The following WDTC1 variants were observed in gnomAD, a reference collection of about 807,000 sequenced individuals.
The protein encoded by WDTC1 is WD and tetratricopeptide repeats 1.
In WDTC1, 12 loss-of-function variants were observed where a neutral mutation model predicts 76.0. The ratio of observed to expected loss-of-function variants is 0.16; its 90% CI spans 0.10 to 0.26. WDTC1 has a LOEUF of 0.26. Among genes scored for constraint, WDTC1 ranks in the 10% least tolerant of loss-of-function variants. The pLI, the probability that WDTC1 is intolerant of heterozygous loss-of-function variation, is 1.00. For missense variants in WDTC1, 511 were observed against 908.8 expected (o/e 0.56, Z 5.63); for synonymous variants, 326 against 350.8 (o/e 0.93, Z 0.79).
chr1:27,239,272 C>G (rs1443345592), intron 1 of WDTC1, among the ~76,000 whole-genome samples: 2 of 148,208 alleles, frequency 1.3e-5, no homozygotes, highest in East Asian at 4.2e-4. Flanking sequence ...AATCCCAGCA[C>G]TTTGGGAGGC....
At chr1:27,252,086 C>A (rs1043688918) in intron 1 of WDTC1, among the ~76,000 whole-genome samples, 2 of 151,772 alleles carry the variant, frequency 1.3e-5, no homozygotes, top group African/African-American at 2.4e-5. Context: ...TGGCTCATGC[C>A]TGTAATCCTA....
In WDTC1 at chr1:27,235,435, T is replaced by C. The variant is rs554854627; in HGVS notation, c.-100+484T>C. 2.0e-3 allele frequency among the ~76,000 whole-genome samples: 268 copies of C among 134,988 alleles called. 1 individual carries two copies. The highest frequency in any genetic ancestry group is 7.0e-3 in the African/African-American group (256 of 36,522). 88.6% of individuals were successfully genotyped at this position (134,988 alleles called of 152,430 possible). ...GTGTGTGTGTGTGTGTGTGTGTGTG[T>C]GTCCACAGCAGATGCCTTCAGTGGC... On this transcript the variant is annotated intron_variant, in intron 1 of 15. Coordinates refer to ENST00000319394, the MANE Select transcript of WDTC1 (RefSeq NM_001276252.2).
rs2013939986 is a variant in WDTC1 at position 27,305,756 on chromosome 1, G to A, written c.1837-430G>A. On this transcript the variant is annotated intron_variant, in intron 15 of 15. Transcript: ENST00000319394. This position sits in a 1 kb window ranked among gnomAD's most constrained non-coding sequence, Gnocchi z 4.6. ...TCTGATTCCCAAGATAATTTGCTGT[G>A]ACTTTTAAAGAGAGGACCCCTATAG... Among the ~76,000 whole-genome samples the A allele has an allele frequency of 6.6e-6, 1 of 152,118 alleles. No homozygotes were observed. Among genetic ancestry groups the A allele is most frequent in the Non-Finnish European group, 1.5e-5 (1 of 68,008 alleles).
intron 2 of WDTC1, among the ~76,000 whole-genome samples, chr1:27,261,407 T>A (rs1390062994): frequency 1.3e-5 from 2 of 152,142 alleles, no homozygotes; most frequent in Admixed American, 6.6e-5. Context: ...GTTGGGCAGG[T>A]GGTGCACAAG....
Position 27,297,923 on chromosome 1 carries a change from C to G in WDTC1, c.1059-15C>G, listed in dbSNP as rs541019174. Reference sequence around the variant, plus strand: ...CTTCTTTGACTGTTCTGACTTGGCTCTATTTCCCCTGCAGCCCCCAAGTAG... The same window carrying G: ...CTTCTTTGACTGTTCTGACTTGGCTGTATTTCCCCTGCAGCCCCCAAGTAG... On this transcript the variant is annotated splice_polypyrimidine_tract_variant and intron_variant, in intron 11 of 15. Coordinates refer to ENST00000319394, the MANE Select transcript of WDTC1 (RefSeq NM_001276252.2). The G allele has an allele frequency of 3.6e-5, 57 of 1,602,628 alleles. No individual in the cohort carries two copies. Among genetic ancestry groups the G allele is most frequent in the South Asian group, 2.4e-4 (22 of 90,024 alleles).
chr1:27,293,320 T>C (rs1228829780), intron 7 of WDTC1, among the ~76,000 whole-genome samples: 2 of 150,106 alleles, frequency 1.3e-5, no homozygotes, highest in Non-Finnish European at 3.0e-5. Flanking sequence ...TAGTCCCAGC[T>C]ACTGGGGAGG....
Position 27,305,091 on chromosome 1 carries a change from G to A in WDTC1, c.1734G>A (p.Gly578=), listed in dbSNP as rs2013921890. 5 of 1,613,876 alleles carry A rather than the reference G, an allele frequency of 3.1e-6. No individual in the cohort carries two copies. In the South Asian group the frequency reaches 5.5e-5, roughly 18 times the overall value. ...ETTNLVRVLQ[G]DESIVNCLQP... is the part of the protein sequence containing the mutation. ...CCAACCTGGTCCGTGTGCTCCAAGGGGATGAGTCCATTGTCAACTGCCTGC... is the reference window on the plus strand; with the variant it reads ...CCAACCTGGTCCGTGTGCTCCAAGGAGATGAGTCCATTGTCAACTGCCTGC... The change falls in exon 15 of 16, where the codon GGG becomes GGA. Residue 578 remains glycine, a synonymous_variant. Transcript: ENST00000319394. The surrounding 1 kb of genome is among the most constrained non-coding windows in gnomAD (Gnocchi z 4.6).
rs569841544 is a variant in WDTC1 at position 27,242,720 on chromosome 1, C to T, written c.-100+7769C>T. Among the ~76,000 whole-genome samples the T allele has an allele frequency of 4.6e-5, 7 of 152,116 alleles. No individual in the cohort carries two copies. In the South Asian group the frequency reaches 6.2e-4, roughly 14 times the overall value. ...CTGACCTCAGGTGATTCACCCACCT[C>T]GGCCTCCCAAAGTGCTGGGATTACA... On this transcript the variant is annotated intron_variant, in intron 1 of 15. Coordinates refer to ENST00000319394, the MANE Select transcript of WDTC1 (RefSeq NM_001276252.2).
At chr1:27,244,919 G>A (rs1273190035) in intron 1 of WDTC1, among the ~76,000 whole-genome samples, 1 of 152,160 alleles carries the variant, frequency 6.6e-6, no homozygotes, top group African/African-American at 2.4e-5. Flanking sequence ...CTAACCAGTA[G>A]TGTCTACTTA....
chr1:27,263,205 C>T lies in WDTC1; in HGVS notation c.102C>T (p.Ile34=). Residue 34 remains isoleucine, a synonymous_variant, in exon 3 of 16, where the codon ATC becomes ATT. Coordinates refer to ENST00000319394, the MANE Select transcript of WDTC1 (RefSeq NM_001276252.2). ...GCTACCATGTCACTGACCCCTTTAT[C>T]CGGCGGCTGGGCCTGGAAGCAGAGC... ...ERRYHVTDPF[I]RRLGLEAELQ... is the part of the protein sequence containing the mutation. 6.2e-7 allele frequency: 1 copy of T among 1,613,608 alleles called. No homozygotes were observed. The highest frequency in any genetic ancestry group is 8.5e-7 in the Non-Finnish European group (1 of 1,179,860).
Position 27,306,108 on chromosome 1 carries a change from C to A in WDTC1, c.1837-78C>A. On this transcript the variant is annotated intron_variant, in intron 15 of 15. Transcript: ENST00000319394. The surrounding 1 kb of genome is among the most constrained non-coding windows in gnomAD (Gnocchi z 5.0). ...TAGATAGTTTAGTCTGTGTATTTCC[C>A]TCCCCCTCCCCTATACGTGTACCCT... The A allele has an allele frequency of 6.6e-7, 1 of 1,524,348 alleles. No individual in the cohort carries two copies. The highest frequency in any genetic ancestry group is 9.0e-7 in the Non-Finnish European group (1 of 1,106,678). 94.4% of individuals were successfully genotyped at this position (1,524,348 alleles called of 1,614,324 possible). A position where few individuals can be genotyped will look rare whatever the true frequency, so the allele number is the denominator to read the frequency against.
Position 27,306,333 on chromosome 1 carries a change from T to C in WDTC1, c.1984T>C (p.Ser662Pro). ...CCTGAGCAGTGGGGGTGCCGGGGCC[T>C]CTGATGATGAGGACAGCTCTGAGGG... Reference protein sequence around the residue: ...TGLSSGGAGASDDEDSSEGQV... With the variant: ...TGLSSGGAGAPDDEDSSEGQV... The change falls in exon 16 of 16, where the codon TCT (serine) becomes CCT (proline). Residue 662 changes from serine to proline, a missense_variant. Coordinates refer to ENST00000319394, the MANE Select transcript of WDTC1 (RefSeq NM_001276252.2). The surrounding 1 kb of genome is among the most constrained non-coding windows in gnomAD (Gnocchi z 5.0). 6.2e-7 allele frequency: 1 copy of C among 1,613,832 alleles called. No individual in the cohort carries two copies. Among genetic ancestry groups the C allele is most frequent in the Non-Finnish European group, 8.5e-7 (1 of 1,179,982 alleles).
In WDTC1 at chr1:27,234,971, C is replaced by G. The variant is rs1419594689; in HGVS notation, c.-100+20C>G. ...TGACAGGTACGGGTCACCGCCGCCC[C>G]CTGCCCTCCGCGGGCGCCGAGGCGG... On this transcript the variant is annotated intron_variant, in intron 1 of 15. Transcript: ENST00000319394. 3 of 387,432 alleles carry G rather than the reference C, an allele frequency of 7.7e-6. No individual in the cohort carries two copies. The highest frequency in any genetic ancestry group is 1.4e-5 in the Non-Finnish European group (3 of 218,728). 24.0% of individuals were successfully genotyped at this position (387,432 alleles called of 1,614,324 possible). A position where few individuals can be genotyped will look rare whatever the true frequency, so the allele number is the denominator to read the frequency against.
chr1:27,257,098 G>A (rs957741350), intron 1 of WDTC1, among the ~76,000 whole-genome samples: 1 of 152,036 alleles, frequency 6.6e-6, no homozygotes, highest in Admixed American at 6.6e-5. Context: ...TCCTGACCTC[G>A]TGATCCGCCC....
chr1:27,256,225 C>G (rs2012275942), intron 1 of WDTC1, among the ~76,000 whole-genome samples: 1 of 152,138 alleles, frequency 6.6e-6, no homozygotes, highest in Admixed American at 6.6e-5. Context: ...CTAACACCAC[C>G]TGCTGCACTG....
chr1:27,245,202 A>C (rs1324166956), intron 1 of WDTC1, among the ~76,000 whole-genome samples: 1 of 151,870 alleles, frequency 6.6e-6, no homozygotes, highest in Non-Finnish European at 1.5e-5. Context: ...TATTCATAGC[A>C]GCGTTATATT....
At chr1:27,261,737 G>C (rs2012480531) in intron 2 of WDTC1, among the ~76,000 whole-genome samples, 1 of 152,084 alleles carries the variant, frequency 6.6e-6, no homozygotes, top group Non-Finnish European at 1.5e-5. Flanking sequence ...CTGGAGTCAG[G>C]AGCTTCATCT....
Position 27,234,963 on chromosome 1 carries a change from C to T in WDTC1, c.-100+12C>T, listed in dbSNP as rs1190297289. The T allele has an allele frequency of 2.6e-6, 1 of 388,848 alleles. No individual in the cohort carries two copies. 24.1% of individuals were successfully genotyped at this position (388,848 alleles called of 1,614,324 possible). On this transcript the variant is annotated intron_variant, in intron 1 of 15. Coordinates refer to ENST00000319394, the MANE Select transcript of WDTC1 (RefSeq NM_001276252.2). ...AAGAGACCTGACAGGTACGGGTCAC[C>T]GCCGCCCCCTGCCCTCCGCGGGCGC...
chr1:27,269,600 TTTTTTG>T (rs1189089819), intron 3 of WDTC1, among the ~76,000 whole-genome samples: 1 of 98,450 alleles, frequency 1.0e-5, no homozygotes, highest in East Asian at 5.7e-4. Flanking sequence ...TTTTTTTTTG[TTTTTTG>T]TTTTTTTTTT....
Sources: gnomAD v4.1 joint callset for allele counts (sites outside exome capture counted in the v4.1 genomes callset) on GRCh38, gnomAD v4.1.1 for gene constraint, Gnocchi (gnomAD v3.1) non-coding constraint, MANE v1.5 for transcripts, NCBI Gene and HGNC (gene_info 2026-07-23, HGNC 2026-07-21) for gene names.